Variants in NR4A3 observed in about 807,000 individuals in gnomAD.
The protein encoded by NR4A3 is nuclear receptor subfamily 4 group A member 3.
A neutral mutation model predicts 55.6 loss-of-function variants in NR4A3; 13 were observed. The observed-to-expected ratio is 0.23, with a 90% CI of 0.15 to 0.37. The LOEUF (loss-of-function observed/expected upper bound fraction) is 0.37. Among genes scored for constraint, NR4A3 ranks in the 10% least tolerant of loss-of-function variants. The pLI is 1.00. For missense variants in NR4A3, 646 were observed against 822.8 expected, an observed-to-expected ratio of 0.79 and a Z score of 2.63; for synonymous variants, 342 against 357.9, an observed-to-expected ratio of 0.96 and a Z score of 0.50.
intron 7 of NR4A3, among the ~76,000 whole-genome samples, chr9:99,853,340 T>A (rs1246166253): frequency 2.0e-5 from 3 of 147,368 alleles, no homozygotes; most frequent in East Asian, 2.0e-4. Flanking sequence ...TTTTTTTTTT[T>A]ATTATACTCT....
intron 5 of NR4A3, among the ~76,000 whole-genome samples, chr9:99,841,014 C>T (rs1410286628): frequency 6.6e-6 from 1 of 152,074 alleles, no homozygotes; most frequent in Non-Finnish European, 1.5e-5. Context: ...AGGTGGATCA[C>T]AAGGTCAGGA....
intron 7 of NR4A3, among the ~76,000 whole-genome samples, chr9:99,851,904 C>T (rs1163120963): frequency 6.6e-6 from 1 of 152,172 alleles, no homozygotes; most frequent in African/African-American, 2.4e-5. Flanking sequence ...ATTAAATAAG[C>T]ATCGAGGGCC....
Position 99,825,903 on chromosome 9 carries a change from C to T in NR4A3, c.-3+71C>T, listed in dbSNP as rs562168013. On this transcript the variant is annotated intron_variant, in intron 2 of 7. Coordinates refer to ENST00000395097, the MANE Select transcript of NR4A3 (RefSeq NM_006981.4). This position sits in a 1 kb window ranked among gnomAD's most constrained non-coding sequence, Gnocchi z 5.0. ...GTGGGTGGGGGAACCACACACTCGGCGGGCAGCGTGGTCGACCTGCCCAGT... is the reference window on the plus strand; with the variant it reads ...GTGGGTGGGGGAACCACACACTCGGTGGGCAGCGTGGTCGACCTGCCCAGT... 54 of 181,278 alleles carry T rather than the reference C, an allele frequency of 3.0e-4. No individual in the cohort carries two copies. The highest frequency in any genetic ancestry group is 1.2e-3 in the African/African-American group (52 of 42,516). 11.2% of individuals were successfully genotyped at this position (181,278 alleles called of 1,614,324 possible). A position where few individuals can be genotyped will look rare whatever the true frequency, so the allele number is the denominator to read the frequency against.
At chr9:99,832,627 T>C in intron 3 of NR4A3, 62 bp from the exon 4 acceptor site, 6 of 1,340,274 alleles carry the variant, frequency 4.5e-6, no homozygotes, top group Non-Finnish European at 6.0e-6. Flanking sequence ...AAAATACATC[T>C]TGTCAGGTCC....
rs369896512 is a variant in NR4A3, at chr9:99,828,513, C to T, written c.471C>T (p.Asp157=). ...AFPPQAGALW[D]EALPSAPGCI... is the part of the protein sequence containing the mutation. ...CCCCGCAGGCGGGGGCGTTATGGGACGAGGCACTGCCCTCGGCGCCCGGCT... is the reference window on the plus strand; with the variant it reads ...CCCCGCAGGCGGGGGCGTTATGGGATGAGGCACTGCCCTCGGCGCCCGGCT... Residue 157 remains aspartate (D), a synonymous_variant, in exon 3 of 8, where the codon GAC becomes GAT. Transcript: ENST00000395097. This position sits in a 1 kb window ranked among gnomAD's most constrained non-coding sequence, Gnocchi z 7.7. 1 of 1,581,370 alleles carries T rather than the reference C, an allele frequency of 6.3e-7. No homozygotes were observed. Among genetic ancestry groups the T allele is most frequent in the Non-Finnish European group, 8.6e-7 (1 of 1,166,480 alleles).
Position 99,828,207 on chromosome 9 carries a change from G to A in NR4A3, c.165G>A (p.Leu55=). Residue 55 remains leucine (L), a synonymous_variant, in exon 3 of 8, where the codon CTG becomes CTA. Coordinates refer to ENST00000395097, the MANE Select transcript of NR4A3 (RefSeq NM_006981.4). This position sits in a 1 kb window ranked among gnomAD's most constrained non-coding sequence, Gnocchi z 7.7. Reference sequence around the variant, plus strand: ...TCACGGCTACAGCCACCACGTCCCTGCCCAGCATCAGTACCTTCGTGGAGG... The same window carrying A: ...TCACGGCTACAGCCACCACGTCCCTACCCAGCATCAGTACCTTCGTGGAGG... The part of the protein sequence containing the change: ...TEITATATTS[L]PSISTFVEGY... 1 of 1,613,968 alleles carries A rather than the reference G, an allele frequency of 6.2e-7. No individual in the cohort carries two copies. Among genetic ancestry groups the A allele is most frequent in the Non-Finnish European group, 8.5e-7 (1 of 1,179,990 alleles).
intron 5 of NR4A3, among the ~76,000 whole-genome samples, chr9:99,841,788 T>C (rs970678185): frequency 6.6e-6 from 1 of 151,788 alleles, no homozygotes; most frequent in African/African-American, 2.4e-5. Flanking sequence ...CTAGGCAATA[T>C]AGAGACACTG....
chr9:99,826,801 G>T, intron 2 of NR4A3: 1 of 1,612,952 alleles, frequency 6.2e-7, no homozygotes, highest in Non-Finnish European at 8.5e-7. Context: ...TGGAAATGTG[G>T]GTAAGAGAAA....
At position 99,865,325 on chromosome 9, in the gene NR4A3, G is replaced by A. The variant is rs577777673; in HGVS notation, c.*1458G>A. On this transcript the variant is annotated 3_prime_UTR_variant, in exon 8 of 8. Coordinates refer to ENST00000395097, the MANE Select transcript of NR4A3 (RefSeq NM_006981.4). This position sits in a 1 kb window ranked among gnomAD's most constrained non-coding sequence, Gnocchi z 4.3. Reference sequence around the variant, plus strand: ...AAATATATATATATATATAAATATAGCAGGTTACATATATATATTTATAAT... The same window carrying A: ...AAATATATATATATATATAAATATAACAGGTTACATATATATATTTATAAT... 1 of 170,524 alleles carries A rather than the reference G, an allele frequency of 5.9e-6. No individual in the cohort carries two copies. The highest frequency in any genetic ancestry group is 1.3e-5 in the Non-Finnish European group (1 of 78,998). 10.6% of individuals were successfully genotyped at this position (170,524 alleles called of 1,614,324 possible).
chr9:99,848,678 T>C (rs1564036540), intron 7 of NR4A3, among the ~76,000 whole-genome samples: 1 of 152,196 alleles, frequency 6.6e-6, no homozygotes, highest in Non-Finnish European at 1.5e-5. Context: ...ACATAAAAGA[T>C]ATTTGATTTA....
At chr9:99,839,389 G>A (rs1827611149) in intron 5 of NR4A3, among the ~76,000 whole-genome samples, 1 of 152,162 alleles carries the variant, frequency 6.6e-6, no homozygotes, top group South Asian at 2.1e-4. Flanking sequence ...TTTAGCCAGG[G>A]CTGAAAGTGA....
At position 99,850,562 on chromosome 9, in the gene NR4A3, A is replaced by G. The variant is rs183033251; in HGVS notation, c.1633+2947A>G. 4.7e-3 allele frequency among the ~76,000 whole-genome samples: 717 copies of G among 152,208 alleles called. 7 individuals carry two copies. The highest frequency in any genetic ancestry group is 0.017 in the African/African-American group (686 of 41,526). On this transcript the variant is annotated intron_variant, in intron 7 of 7. Coordinates refer to ENST00000395097, the MANE Select transcript of NR4A3 (RefSeq NM_006981.4). ...GTTACAGCTGCTCAGCCCGCTGCCCATTTATGTGGAGATTGGCTGGGGGAG... is the reference window on the plus strand; with the variant it reads ...GTTACAGCTGCTCAGCCCGCTGCCCGTTTATGTGGAGATTGGCTGGGGGAG...
chr9:99,832,157 T>G (rs1343664703), intron 3 of NR4A3, among the ~76,000 whole-genome samples: 1 of 152,176 alleles, frequency 6.6e-6, no homozygotes, highest in South Asian at 2.1e-4. Context: ...ATTAAGTTAG[T>G]TTTTTTGCAT....
At chr9:99,831,361 T>C (rs982155882) in intron 3 of NR4A3, among the ~76,000 whole-genome samples, 1 of 152,240 alleles carries the variant, frequency 6.6e-6, no homozygotes, top group Non-Finnish European at 1.5e-5. Flanking sequence ...AGTATGCCTG[T>C]GTTTCAGAAT....
intron 4 of NR4A3, 134 bp from the exon 5 acceptor site, chr9:99,833,148 C>G (rs1011504568): frequency 1.7e-6 from 2 of 1,183,732 alleles, no homozygotes; most frequent in South Asian, 1.7e-5. Flanking sequence ...TTATTCCAAA[C>G]TTATTACCAC....
chr9:99,844,762 G>C lies in NR4A3; in HGVS notation c.1368G>C (p.Pro456=). ...CCAGAAGCTGGGCAGAAAAGATTCC[G>C]GGATTTACTGATCTCCCCAAAGAAG... is the stretch of plus-strand genomic sequence containing the variant. The part of the protein sequence containing the change: ...DVSRSWAEKI[P]GFTDLPKEDQ... Residue 456 remains proline (P), a synonymous_variant, in exon 6 of 8, where the codon CCG becomes CCC. Transcript: ENST00000395097. 6.2e-7 allele frequency: 1 copy of C among 1,614,112 alleles called. No individual in the cohort carries two copies. Among genetic ancestry groups the C allele is most frequent in the South Asian group, 1.1e-5 (1 of 91,082 alleles).
At chr9:99,843,703 G>A (rs1449784793) in intron 5 of NR4A3, among the ~76,000 whole-genome samples, 1 of 149,918 alleles carries the variant, frequency 6.7e-6, no homozygotes, top group Non-Finnish European at 1.5e-5. Flanking sequence ...TGTTTGCTGT[G>A]TCTACCCCCA....
At chr9:99,843,537 G>C (rs1484997663) in intron 5 of NR4A3, among the ~76,000 whole-genome samples, 1 of 152,108 alleles carries the variant, frequency 6.6e-6, no homozygotes, top group East Asian at 1.9e-4. Context: ...CAGTTTGGTG[G>C]GCCAGGCACG....
chr9:99,859,254 G>A (rs919865076), intron 7 of NR4A3, among the ~76,000 whole-genome samples: 4 of 152,124 alleles, frequency 2.6e-5, no homozygotes, highest in South Asian at 2.1e-4. Flanking sequence ...ATTTCCCCCC[G>A]AATTTATGAA....
Sources: gnomAD v4.1 joint callset for allele counts (sites outside exome capture counted in the v4.1 genomes callset) on GRCh38, gnomAD v4.1.1 for gene constraint, Gnocchi (gnomAD v3.1) non-coding constraint, MANE v1.5 for transcripts, NCBI Gene and HGNC (gene_info 2026-07-23, HGNC 2026-07-21) for gene names.